The following FAM81A variants were observed in gnomAD, a reference collection of about 807,000 sequenced individuals.
FAM81A encodes the protein family with sequence similarity 81 member A.
In FAM81A, 19 loss-of-function variants were observed where a neutral mutation model predicts 46.7. The observed-to-expected ratio is 0.41, with a 90% CI of 0.28 to 0.60. The LOEUF (loss-of-function observed/expected upper bound fraction) is 0.60. Among genes scored for constraint, FAM81A ranks in the 20% least tolerant of loss-of-function variants. The probability of loss-of-function intolerance (pLI) is 0.34; values close to 1 mark genes in which losing one functional copy is unlikely to be tolerated. For synonymous variants in FAM81A, 183 were observed against 152.9 expected, an observed-to-expected ratio of 1.20 and a Z score of -1.45; for missense variants, 377 against 453.5, an observed-to-expected ratio of 0.83 and a Z score of 1.53.
chr15:59,454,970 T>G (rs2081464828), intron 1 of FAM81A, among the ~76,000 whole-genome samples: 5 of 151,780 alleles, frequency 3.3e-5, no homozygotes, highest in Admixed American at 2.6e-4. Flanking sequence ...GAGATGGGGT[T>G]TTGCCATGTT....
chr15:59,422,497 G>C (rs867824148), intron 2 of FAM81A, among the ~76,000 whole-genome samples: 1 of 151,714 alleles, frequency 6.6e-6, no homozygotes, highest in Non-Finnish European at 1.5e-5. Flanking sequence ...TATTTTTTGA[G>C]GTGGAGTCTC....
At chr15:59,465,609 C>T (rs1307550905) in intron 3 of FAM81A, among the ~76,000 whole-genome samples, 13 of 152,120 alleles carry the variant, frequency 8.5e-5, no homozygotes, top group Admixed American at 6.6e-5. Flanking sequence ...TTTGTCTATT[C>T]GCGGTCTTTT....
intron 1 of FAM81A, chr15:59,445,614 T>G (rs1473791092): frequency 2.0e-5 from 3 of 152,192 alleles, no homozygotes; most frequent in Non-Finnish European, 2.9e-5. Flanking sequence ...AAAAAGGGCA[T>G]AGACTGGAGA....
intron 3 of FAM81A, among the ~76,000 whole-genome samples, chr15:59,462,547 G>A (rs773460753): frequency 6.6e-6 from 1 of 152,136 alleles, no homozygotes; most frequent in Non-Finnish European, 1.5e-5. Flanking sequence ...CATTTTAAGT[G>A]TATAATCTAA....
Position 59,484,958 on chromosome 15 carries a change from C to A in FAM81A, c.295-7313C>A, listed in dbSNP as rs536733620. Among the ~76,000 whole-genome samples the A allele has an allele frequency of 1.3e-4, 20 of 152,166 alleles. No homozygotes were observed. In the South Asian group the frequency reaches 3.9e-3, roughly 30 times the overall value. ...ACAAACTGAATAAAGAGCCCTTGGG[C>A]CTTAGGTGAACAATGGCAGTAGCAT... On this transcript the variant is annotated intron_variant, in intron 3 of 8. Transcript: ENST00000288228.
intron 4 of FAM81A, among the ~76,000 whole-genome samples, chr15:59,505,144 C>T (rs1210227343): frequency 6.6e-6 from 1 of 152,050 alleles, no homozygotes; most frequent in African/African-American, 2.4e-5. Context: ...AATCTCTGTC[C>T]ACTACATTCT....
upstream of FAM81A, among the ~76,000 whole-genome samples, chr15:59,434,657 A>G (rs1350773101): frequency 6.6e-6 from 1 of 152,208 alleles, no homozygotes; most frequent in African/African-American, 2.4e-5. Context: ...GTTCCTACAT[A>G]TGACTGTTCC....
At position 59,403,683 on chromosome 15, in the gene FAM81A, T is replaced by C. The variant is rs912043046; in HGVS notation, c.-78+1325T>C. 2.6e-5 allele frequency among the ~76,000 whole-genome samples: 4 copies of C among 152,176 alleles called. No homozygotes were observed. The East Asian group carries it at 7.7e-4, about 29-fold the overall frequency. On this transcript the variant is annotated intron_variant, in intron 2 of 4. Coordinates refer to the FAM81A transcript ENST00000558348. ...TAGGGTCTTCTTTCAATTTAGGCAG[T>C]GGAGATCTGGTTAGAGTTGAAGAGA...
intron 4 of FAM81A, among the ~76,000 whole-genome samples, chr15:59,493,041 G>T (rs1244583320): frequency 6.6e-6 from 1 of 152,222 alleles, no homozygotes; most frequent in Non-Finnish European, 1.5e-5. Flanking sequence ...TTTGTCCGAA[G>T]TATTTATGGG....
intron 3 of FAM81A, among the ~76,000 whole-genome samples, chr15:59,470,102 T>C (rs1467134138): frequency 6.6e-6 from 1 of 152,246 alleles, no homozygotes; most frequent in Non-Finnish European, 1.5e-5. Flanking sequence ...GACTTACCTT[T>C]ATGGGTAACT....
rs1332473671 is a variant in FAM81A, at chr15:59,523,182, G to A, written c.*1804G>A. 1.3e-5 allele frequency: 2 copies of A among 152,294 alleles called. No individual in the cohort carries two copies. Among genetic ancestry groups the A allele is most frequent in the African/African-American group, 4.8e-5 (2 of 41,458 alleles). 9.4% of individuals were successfully genotyped at this position (152,294 alleles called of 1,614,324 possible). A position where few individuals can be genotyped will look rare whatever the true frequency, so the allele number is the denominator to read the frequency against. On this transcript the variant is annotated 3_prime_UTR_variant, in exon 9 of 9. Coordinates refer to ENST00000288228, the MANE Select transcript of FAM81A (RefSeq NM_152450.3). Reference sequence around the variant, plus strand: ...GGAACACCAGCTGGACTCTGGCCAAGGAGTGATGTAAGCAGGTGACACTTG... The same window carrying A: ...GGAACACCAGCTGGACTCTGGCCAAAGAGTGATGTAAGCAGGTGACACTTG...
chr15:59,444,624 T>A (rs1186914380), intron 1 of FAM81A, among the ~76,000 whole-genome samples: 1 of 152,154 alleles, frequency 6.6e-6, no homozygotes, highest in African/African-American at 2.4e-5. Context: ...TCTGGCCTCC[T>A]CTCTCTCCTC....
At chr15:59,520,852 C>G (rs757173746) in intron 8 of FAM81A, among the ~76,000 whole-genome samples, 10 of 152,204 alleles carry the variant, frequency 6.6e-5, no homozygotes, top group Non-Finnish European at 1.3e-4. Flanking sequence ...GCATGAGCCA[C>G]CGTACCAGGC....
chr15:59,514,459 T>A, intron 7 of FAM81A, 35 bp downstream of exon 7: 1 of 1,605,298 alleles, frequency 6.2e-7, no homozygotes, highest in Non-Finnish European at 8.5e-7. Context: ...TTTAGTAAAG[T>A]TATTCAGTGG....
intron 1 of FAM81A, among the ~76,000 whole-genome samples, chr15:59,451,739 C>T (rs1226825512): frequency 6.6e-6 from 1 of 152,206 alleles, no homozygotes; most frequent in African/African-American, 2.4e-5. Flanking sequence ...AGGCATGAGC[C>T]ACCACATCTG....
intron 2 of FAM81A, among the ~76,000 whole-genome samples, chr15:59,429,238 T>A (rs563509384): frequency 6.6e-6 from 1 of 152,354 alleles, no homozygotes; most frequent in South Asian, 2.1e-4. Flanking sequence ...GTTTTTATCT[T>A]TGTGTTCTGA....
intron 6 of FAM81A, among the ~76,000 whole-genome samples, chr15:59,509,669 C>T (rs182129609): frequency 1.3e-5 from 2 of 152,160 alleles, no homozygotes; most frequent in African/African-American, 4.8e-5. Flanking sequence ...GAGTGAGAGG[C>T]CTGGTTGTGG....
intron 1 of FAM81A, chr15:59,446,620 T>G (rs2081356674): frequency 6.6e-6 from 1 of 152,220 alleles, no homozygotes; most frequent in South Asian, 2.1e-4. Context: ...TCTTGCTAAG[T>G]GGACTCAAGG....
rs146816824 is a variant in FAM81A, at chr15:59,439,390, A to ATG, written c.-78+1124_-78+1125dup. On this transcript the variant is annotated intron_variant, in intron 1 of 8. Coordinates refer to ENST00000288228, the MANE Select transcript of FAM81A (RefSeq NM_152450.3). ...CCTGTCACTGAATGCGCGTGTGTGT[A>ATG]TGTGTGTGTGTGTGTGTTGGGGGGG... 1.5e-3 allele frequency among the ~76,000 whole-genome samples: 210 copies of ATG among 141,686 alleles called. 3 individuals carry two copies. Among genetic ancestry groups the ATG allele is most frequent in the African/African-American group, 3.6e-3 (138 of 38,280 alleles). The allele number at this position is 141,686 out of a possible 152,430, so 93.0% of individuals were successfully genotyped here.
Sources: gnomAD v4.1 joint callset for allele counts (sites outside exome capture counted in the v4.1 genomes callset) on GRCh38, gnomAD v4.1.1 for gene constraint, MANE v1.5 for transcripts, NCBI Gene and HGNC (gene_info 2026-07-23, HGNC 2026-07-21) for gene names.